Variants in CFHR4 observed in about 807,000 individuals in gnomAD.
CFHR4 encodes complement factor H-related protein 4.
A neutral mutation model predicts 69.3 loss-of-function variants in CFHR4; 64 were observed. The ratio of observed to expected loss-of-function variants is 0.92; its 90% CI spans 0.76 to 1.14. The LOEUF is 1.14. Among genes scored for constraint, CFHR4 ranks in the 50% most tolerant of loss-of-function variants. The probability of loss-of-function intolerance (pLI) is 0.00; values close to 1 mark genes in which losing one functional copy is unlikely to be tolerated. For synonymous variants in CFHR4, 244 were observed against 237.0 expected (o/e 1.03, Z -0.27); for missense variants, 636 against 684.9 (o/e 0.93, Z 0.80).
chr1:196,890,889 T>A (rs1028092830), intron 1 of CFHR4, among the ~76,000 whole-genome samples: 1 of 151,448 alleles, frequency 6.6e-6, no homozygotes. Flanking sequence ...TGCCTTCTAG[T>A]GGGAGAAACG....
Position 196,905,262 on chromosome 1 carries a change from T to C in CFHR4, c.411T>C (p.Asn137=), listed in dbSNP as rs1248540277. The C allele has an allele frequency of 6.2e-7, 1 of 1,611,412 alleles. No homozygotes were observed. The highest frequency in any genetic ancestry group is 2.2e-5 in the East Asian group (1 of 44,706). Residue 137 remains asparagine, a synonymous_variant, in exon 3 of 10, where the codon AAT becomes AAC. Coordinates refer to ENST00000608469, the MANE Select transcript of CFHR4 (RefSeq NM_001201550.3). The part of the protein sequence containing the change: ...NSSGSITCLQ[N]GWSTQPICIK... ...CAGGATCAATTACATGTTTGCAAAA[T>C]GGATGGTCAACACAACCAATTTGCA...
intron 1 of CFHR4, among the ~76,000 whole-genome samples, chr1:196,895,449 T>G (rs1488264335): frequency 6.6e-6 from 1 of 151,544 alleles, no homozygotes; most frequent in Non-Finnish European, 1.5e-5. Context: ...CCTTAGATTC[T>G]TTTCACTTTA....
intron 1 of CFHR4, among the ~76,000 whole-genome samples, chr1:196,894,270 G>A (rs1657177218): frequency 6.6e-6 from 1 of 151,394 alleles, no homozygotes; most frequent in African/African-American, 2.4e-5. Flanking sequence ...AAGCTTTTAG[G>A]TTAATAATTG....
In CFHR4 at chr1:196,888,185, G is replaced by A. The variant is rs780545943; in HGVS notation, c.35G>A (p.Trp12Ter). Residue 12 changes from tryptophan (W) to a stop codon, truncating the protein, a stop_gained, in exon 1 of 10, where the codon TGG becomes TAG. Coordinates refer to ENST00000608469, the MANE Select transcript of CFHR4 (RefSeq NM_001201550.3). LOFTEE classifies it high-confidence loss of function. ...LLLINVILTLWVSCANGQEVK... is the reference protein window; with the variant it reads ...LLLINVILTL The stretch of plus-strand genomic sequence containing the variant: ...CTAATCAATGTCATTCTGACCTTGT[G>A]GGTTTCCTGTGCTAATGGACAAGGT... 3 of 1,611,106 alleles carry A rather than the reference G, an allele frequency of 1.9e-6. No homozygotes were observed. The East Asian group carries it at 6.7e-5, about 36-fold the overall frequency.
chr1:196,902,241 C>T (rs1252811311), intron 1 of CFHR4, among the ~76,000 whole-genome samples, 177 bp from the exon 2 acceptor site: 1 of 151,472 alleles, frequency 6.6e-6, no homozygotes, highest in African/African-American at 2.4e-5. Flanking sequence ...CTTCAATCTT[C>T]ATTAGCAAAC....
rs755725083 is a variant in CFHR4 at position 196,912,831 on chromosome 1, A to G, written c.1089A>G (p.Lys363=). 1 of 1,609,726 alleles carries G rather than the reference A, an allele frequency of 6.2e-7. No individual in the cohort carries two copies. Among genetic ancestry groups the G allele is most frequent in the Non-Finnish European group, 8.5e-7 (1 of 1,178,130 alleles). The change falls in exon 7 of 10, where the codon AAA becomes AAG. Residue 363 remains lysine, a synonymous_variant. Coordinates refer to ENST00000608469, the MANE Select transcript of CFHR4 (RefSeq NM_001201550.3). The stretch of plus-strand genomic sequence containing the variant: ...TTTTAAATAAAGAAATACAATATAA[A>G]TGTAAACCAGGATATGCAACAGCAG... ...IYILNKEIQY[K]CKPGYATADG...
intron 9 of CFHR4, among the ~76,000 whole-genome samples, chr1:196,917,313 T>C (rs2477997): frequency 6.6e-6 from 1 of 151,866 alleles, no homozygotes; most frequent in Non-Finnish European, 1.5e-5. Flanking sequence ...CATGTAAGAA[T>C]TAGGCTTAAT....
intron 9 of CFHR4, 146 bp from the exon 10 acceptor site, chr1:196,918,064 G>A (rs1658758297): frequency 1.1e-6 from 1 of 884,218 alleles, no homozygotes; most frequent in Non-Finnish European, 1.6e-6. Flanking sequence ...AAATGCTAAA[G>A]TCAGTATGTA....
At chr1:196,894,874 A>G (rs1433211000) in intron 1 of CFHR4, among the ~76,000 whole-genome samples, 3 of 114,766 alleles carry the variant, frequency 2.6e-5, no homozygotes, top group Admixed American at 2.0e-4. Context: ...AAGCATGGCA[A>G]AACCCTGTCT....
intron 3 of CFHR4, among the ~76,000 whole-genome samples, chr1:196,906,129 A>C (rs1657897042): frequency 6.6e-6 from 1 of 151,476 alleles, no homozygotes; most frequent in Admixed American, 6.6e-5. Flanking sequence ...AACTATTTTT[A>C]GCCATGAGAC....
At chr1:196,913,668 C>A (rs1433690103) in intron 7 of CFHR4, among the ~76,000 whole-genome samples, 3 of 151,140 alleles carry the variant, frequency 2.0e-5, no homozygotes, top group Admixed American at 6.6e-5. Flanking sequence ...GATAAATTGC[C>A]TAATGTATTT....
At chr1:196,892,926 T>C (rs1657107906) in intron 1 of CFHR4, among the ~76,000 whole-genome samples, 1 of 151,512 alleles carries the variant, frequency 6.6e-6, no homozygotes, top group Non-Finnish European at 1.5e-5. Flanking sequence ...CAACTAACAA[T>C]GCAGTTAAGT....
At position 196,896,016 on chromosome 1, in the gene CFHR4, C is replaced by G. The variant is rs973156460; in HGVS notation, c.59-6402C>G. On this transcript the variant is annotated intron_variant, in intron 1 of 9. Transcript: ENST00000608469. ...ACTTTAGGTTGTCTCCAGTGTTTTCCAAGCCTGCACTTTTTGCTAAGTGTT... is the reference window on the plus strand; with the variant it reads ...ACTTTAGGTTGTCTCCAGTGTTTTCGAAGCCTGCACTTTTTGCTAAGTGTT... Among the ~76,000 whole-genome samples, 5 of 150,582 alleles carry G rather than the reference C, an allele frequency of 3.3e-5. 1 individual carries two copies. Among genetic ancestry groups the G allele is most frequent in the Non-Finnish European group, 7.4e-5 (5 of 67,850 alleles).
chr1:196,891,661 G>A (rs932356725), intron 1 of CFHR4, among the ~76,000 whole-genome samples: 12 of 150,816 alleles, frequency 8.0e-5, no homozygotes, highest in South Asian at 2.1e-4. Flanking sequence ...CAAATAGAAC[G>A]TAAATATTAA....
intron 1 of CFHR4, among the ~76,000 whole-genome samples, chr1:196,892,269 G>T (rs1420659280): frequency 6.6e-6 from 1 of 151,412 alleles, no homozygotes; most frequent in African/African-American, 2.4e-5. Context: ...CCAGATGAAG[G>T]ATCACTAATT....
intron 6 of CFHR4, 41 bp downstream of exon 6, chr1:196,910,519 CA>C (rs1163352436): frequency 6.7e-7 from 1 of 1,500,210 alleles, no homozygotes; most frequent in Non-Finnish European, 9.2e-7. Context: ...ATAAAACTTG[CA>C]AAGAATGGAG....
rs374347793 is a variant in CFHR4, at chr1:196,896,917, T to C, written c.59-5501T>C. On this transcript the variant is annotated intron_variant, in intron 1 of 9. Coordinates refer to ENST00000608469, the MANE Select transcript of CFHR4 (RefSeq NM_001201550.3). ...ATCTTTTTTATTATTATTATTATACTTTAAGTTCTAGGGTACATGTGCACA... is the reference window on the plus strand; with the variant it reads ...ATCTTTTTTATTATTATTATTATACCTTAAGTTCTAGGGTACATGTGCACA... 1.9e-4 allele frequency among the ~76,000 whole-genome samples: 29 copies of C among 151,590 alleles called. 2 individuals are homozygous for C. In the South Asian group the frequency reaches 6.0e-3, roughly 31 times the overall value.
At chr1:196,906,770 T>C in intron 3 of CFHR4, 91 bp from the exon 4 acceptor site, 1 of 1,333,750 alleles carries the variant, frequency 7.5e-7, no homozygotes, top group Non-Finnish European at 1.0e-6. Context: ...ACACACTGAT[T>C]GGTAAATTTT....
intron 4 of CFHR4, 90 bp from the exon 5 acceptor site, chr1:196,907,226 A>T: frequency 8.0e-7 from 1 of 1,255,054 alleles, no homozygotes. Context: ...AAATCAAATA[A>T]GATACATTTA....
Sources: gnomAD v4.1 joint callset for allele counts (sites outside exome capture counted in the v4.1 genomes callset) on GRCh38, gnomAD v4.1.1 for gene constraint, MANE v1.5 for transcripts, NCBI Gene and HGNC (gene_info 2026-07-23, HGNC 2026-07-21) for gene names.